Variants in FRMD6 observed in about 807,000 individuals in gnomAD.
FRMD6 encodes FERM domain containing 6, also known as FERM domain-containing protein 6.
In FRMD6, 37 loss-of-function variants were observed where a neutral mutation model predicts 73.2. The observed-to-expected ratio is 0.51, with a 90% CI of 0.39 to 0.66. FRMD6 has a LOEUF of 0.66. Among genes scored for constraint, FRMD6 ranks in the 30% least tolerant of loss-of-function variants. The pLI is 0.00. For synonymous variants in FRMD6, 273 were observed against 282.2 expected (o/e 0.97, Z 0.33); for missense variants, 714 against 780.5 (o/e 0.91, Z 1.02).
the FRMD6 span, among the ~76,000 whole-genome samples, chr14:51,420,460 CA>C: frequency 6.6e-6 from 1 of 152,114 alleles, no homozygotes; most frequent in Non-Finnish European, 1.5e-5. Context: ...TTAAGTTAGA[CA>C]AAATGCTTAT....
chr14:51,466,104 G>C, the FRMD6 span, among the ~76,000 whole-genome samples: 2 of 152,072 alleles, frequency 1.3e-5, no homozygotes, highest in Non-Finnish European at 2.9e-5. Flanking sequence ...ATTTCATGAA[G>C]TGTTCGAATA....
At chr14:51,444,489 GT>G in the FRMD6 span, among the ~76,000 whole-genome samples, 1 of 152,200 alleles carries the variant, frequency 6.6e-6, no homozygotes, top group Non-Finnish European at 1.5e-5. Flanking sequence ...TGGACAGTCT[GT>G]AACGAATCCA....
intron 2 of FRMD6, among the ~76,000 whole-genome samples, chr14:51,609,432 G>A (rs922781507): frequency 3.3e-5 from 5 of 152,220 alleles, no homozygotes; most frequent in East Asian, 3.8e-4. Context: ...AGACATCGGT[G>A]TATGGATTGC....
the FRMD6 span, among the ~76,000 whole-genome samples, chr14:51,483,043 C>G: frequency 6.6e-6 from 1 of 152,044 alleles, no homozygotes; most frequent in Non-Finnish European, 1.5e-5. Flanking sequence ...TTGTCCTGTT[C>G]CAGTTCTTAA....
At chr14:51,449,297 G>A in the FRMD6 span, among the ~76,000 whole-genome samples, 1 of 152,194 alleles carries the variant, frequency 6.6e-6, no homozygotes, top group Admixed American at 6.5e-5. Context: ...TTCTTCAGTG[G>A]GAGGTTCTTC....
At position 51,606,678 on chromosome 14, in the gene FRMD6, T is replaced by G. The variant is rs545933019; in HGVS notation, c.-147+36268T>G. On this transcript the variant is annotated intron_variant, in intron 2 of 14. Coordinates refer to the FRMD6 transcript ENST00000356218. ...AGAGACAGAGCCAATAGGATAAATA[T>G]AGGGAGAGATATGAGAGGGAATTTA... 3.3e-5 allele frequency among the ~76,000 whole-genome samples: 5 copies of G among 152,076 alleles called. No individual in the cohort carries two copies. In the East Asian group the frequency reaches 9.7e-4, roughly 30 times the overall value.
chr14:51,726,284 A>G (rs1566603116), intron 13 of FRMD6, among the ~76,000 whole-genome samples: 1 of 152,222 alleles, frequency 6.6e-6, no homozygotes, highest in Non-Finnish European at 1.5e-5. Flanking sequence ...TGCTGAGCCT[A>G]GAGCATTTGA....
the FRMD6 span, among the ~76,000 whole-genome samples, chr14:51,413,912 A>T: frequency 1.3e-5 from 2 of 152,248 alleles, no homozygotes; most frequent in Non-Finnish European, 2.9e-5. Flanking sequence ...ATGACCAGTA[A>T]TGATGAGCAT....
At chr14:51,563,303 A>G (rs1007782808) in intron 1 of FRMD6, among the ~76,000 whole-genome samples, 1 of 152,226 alleles carries the variant, frequency 6.6e-6, no homozygotes, top group Non-Finnish European at 1.5e-5. Context: ...GAATTTTTAT[A>G]TAAGATTTAA....
At chr14:51,509,366 A>G (rs1265403073) in intron 1 of FRMD6, among the ~76,000 whole-genome samples, 1 of 152,046 alleles carries the variant, frequency 6.6e-6, no homozygotes, top group African/African-American at 2.4e-5. Flanking sequence ...TACTAAAAAA[A>G]TACAAAAAAA....
chr14:51,720,535 G>A, intron 11 of FRMD6, 145 bp downstream of exon 11: 1 of 704,954 alleles, frequency 1.4e-6, no homozygotes, highest in Non-Finnish European at 2.4e-6. Context: ...CCAATGACTT[G>A]GTTGAGTTGC....
chr14:51,585,625 T>C (rs1200391230), intron 2 of FRMD6, among the ~76,000 whole-genome samples: 6 of 152,018 alleles, frequency 3.9e-5, no homozygotes, highest in African/African-American at 2.4e-5. Flanking sequence ...ATCTATAAGA[T>C]AGGAATACCT....
At chr14:51,434,686 G>T in the FRMD6 span, among the ~76,000 whole-genome samples, 1 of 151,918 alleles carries the variant, frequency 6.6e-6, no homozygotes, top group African/African-American at 2.4e-5. Flanking sequence ...CCATCATTGG[G>T]CACTAAAATT....
At chr14:51,679,484 G>A (rs528399200) in intron 1 of FRMD6, among the ~76,000 whole-genome samples, 12 of 149,328 alleles carry the variant, frequency 8.0e-5, no homozygotes, top group East Asian at 7.8e-4. Flanking sequence ...TTCATTTGTC[G>A]TTTCCCCCAC....
chr14:51,412,409 TTC>T, the FRMD6 span, among the ~76,000 whole-genome samples: 1 of 152,148 alleles, frequency 6.6e-6, no homozygotes, highest in Non-Finnish European at 1.5e-5. Flanking sequence ...GTCTATGCCT[TTC>T]TCTGAAGATG....
intron 10 of FRMD6, among the ~76,000 whole-genome samples, chr14:51,716,725 T>C (rs1223486379): frequency 1.3e-5 from 2 of 152,232 alleles, no homozygotes; most frequent in Admixed American, 6.5e-5. Context: ...GTCAGGTGTA[T>C]TGGCTTCAGC....
chr14:51,543,346 A>G lies in FRMD6; in HGVS notation c.-209-27002A>G, dbSNP rs115069042. The stretch of plus-strand genomic sequence containing the variant: ...AAAGATACTTTTTATTAGCATAAGT[A>G]TTTCCCTTTAATTTTGATTATAAAT... On this transcript the variant is annotated intron_variant, in intron 1 of 14. Coordinates refer to the FRMD6 transcript ENST00000356218. 5.1e-3 allele frequency among the ~76,000 whole-genome samples: 780 copies of G among 152,102 alleles called. 3 individuals carry two copies. Among genetic ancestry groups the G allele is most frequent in the African/African-American group, 0.018 (729 of 41,548 alleles).
Position 51,715,471 on chromosome 14 carries a change from C to G in FRMD6, c.996C>G (p.Arg332=). 6.2e-7 allele frequency: 1 copy of G among 1,611,250 alleles called. No individual in the cohort carries two copies. ...ATATGAATCTGCAGCCTGTCCTGCG[C>G]CATATCCGGAAGCTGGAGGAAAACG... ...RLYMNLQPVL[R]HIRKLEENEE... Residue 332 remains arginine, a synonymous_variant, in exon 10 of 14, where the codon CGC becomes CGG. Transcript: ENST00000344768.
chr14:51,722,410 GCCT>G (rs1323411778), intron 12 of FRMD6, among the ~76,000 whole-genome samples: 1 of 152,170 alleles, frequency 6.6e-6, no homozygotes, highest in African/African-American at 2.4e-5. Flanking sequence ...CTTCAGTCTG[GCCT>G]CCTTTTTACA....
Sources: gnomAD v4.1 joint callset for allele counts (sites outside exome capture counted in the v4.1 genomes callset) on GRCh38, gnomAD v4.1.1 for gene constraint, MANE v1.5 for transcripts, NCBI Gene and HGNC (gene_info 2026-07-23, HGNC 2026-07-21) for gene names.